CFAP251: variants seen among roughly 807,000 people sequenced by gnomAD.
The protein encoded by CFAP251 is cilia and flagella associated protein 251.
A neutral mutation model predicts 126.7 loss-of-function variants in CFAP251; 93 were observed. The observed-to-expected ratio is 0.73, with a 90% CI of 0.62 to 0.87. The LOEUF (loss-of-function observed/expected upper bound fraction) is 0.87. Among genes scored for constraint, CFAP251 ranks in the 40% least tolerant of loss-of-function variants. The pLI is 0.00. For missense variants in CFAP251, 1,287 were observed against 1,389.2 expected (o/e 0.93, Z 1.17); for synonymous variants, 503 against 506.9 (o/e 0.99, Z 0.10).
chr12:121,921,234 T>G (rs1880156824), intron 1 of CFAP251, 52 bp from the exon 2 acceptor site: 2 of 1,511,152 alleles, frequency 1.3e-6, no homozygotes, highest in East Asian at 4.6e-5. Flanking sequence ...CACTAGGAGA[T>G]GGAAATGGGA....
intron 15 of CFAP251, among the ~76,000 whole-genome samples, chr12:121,964,524 T>G (rs1473473633): frequency 6.6e-6 from 1 of 152,222 alleles, no homozygotes; most frequent in Non-Finnish European, 1.5e-5. Context: ...AGCTTCTGCC[T>G]GTTGATGATC....
intron 10 of CFAP251, 106 bp downstream of exon 10, chr12:121,954,440 T>C: frequency 1.9e-6 from 2 of 1,058,688 alleles, no homozygotes; most frequent in Non-Finnish European, 2.6e-6. Flanking sequence ...TTCAGTTCTT[T>C]GGGAGGCTGA....
chr12:121,968,012 C>G lies in CFAP251; in HGVS notation c.2614C>G (p.Leu872Val). 3 of 1,601,894 alleles carry G rather than the reference C, an allele frequency of 1.9e-6. No individual in the cohort carries two copies. The South Asian group carries it at 3.3e-5, about 18-fold the overall frequency. ...ATTATGTGTTCCTTTCTAGGTGGGA[C>G]TTCAGATCTTACCAGTTGACGGCAA... ...LVFINRDKVG[L>V]QILPVDGNPH... Residue 872 changes from leucine (L) to valine (V), a missense_variant, in exon 17 of 22, where the codon CTT becomes GTT. Physicochemically the swap from Leu to Val is conservative, Grantham distance 32 (BLOSUM62 1). Transcript: ENST00000288912.
At chr12:121,976,350 C>G (rs1220714948) in intron 19 of CFAP251, among the ~76,000 whole-genome samples, 1 of 152,042 alleles carries the variant, frequency 6.6e-6, no homozygotes, top group African/African-American at 2.4e-5. Flanking sequence ...CCTACGCAGC[C>G]CTGGGCACGG....
In CFAP251 at chr12:121,982,399, G is replaced by A. The variant is rs141221023; in HGVS notation, c.3006+6714G>A. The stretch of plus-strand genomic sequence containing the variant: ...ATTCTTGATTTTTTTTTTTTTTTGA[G>A]ACGGAGTTTCACTCTTGTTGCCCAG... On this transcript the variant is annotated intron_variant, in intron 19 of 21. Coordinates refer to ENST00000288912, the MANE Select transcript of CFAP251 (RefSeq NM_144668.6). Among the ~76,000 whole-genome samples, 754 of 147,066 alleles carry A rather than the reference G, an allele frequency of 5.1e-3. 22 individuals carry two copies. The highest frequency in any genetic ancestry group is 0.044 in the Admixed American group (658 of 14,824).
In CFAP251 at chr12:121,923,661, T is replaced by C. The variant is rs761745286; in HGVS notation, c.418T>C (p.Leu140=). The part of the protein sequence containing the change: ...RGSKSKLSLQ[L]EDAETDELLR... ...TAGCAAGTCAAAGCTTTCCTTACAATTGGAGGATGCAGAAACAGATGAGCT... is the reference window on the plus strand; with the variant it reads ...TAGCAAGTCAAAGCTTTCCTTACAACTGGAGGATGCAGAAACAGATGAGCT... The change falls in exon 3 of 22, where the codon TTG becomes CTG. Residue 140 remains leucine (L), a synonymous_variant. Transcript: ENST00000288912. The C allele has an allele frequency of 4.3e-6, 7 of 1,613,102 alleles. No individual in the cohort carries two copies. Among genetic ancestry groups the C allele is most frequent in the African/African-American group, 4.0e-5 (3 of 74,948 alleles).
At chr12:121,996,331 A>G (rs1883021063) in intron 19 of CFAP251, among the ~76,000 whole-genome samples, 1 of 152,212 alleles carries the variant, frequency 6.6e-6, no homozygotes, top group Admixed American at 6.5e-5. Context: ...GAAACATCCT[A>G]GGTTAAAATG....
At position 121,921,605 on chromosome 12, in the gene CFAP251, C is replaced by T. The variant is rs1210020096; in HGVS notation, c.300C>T (p.Pro100=). 1.9e-6 allele frequency: 3 copies of T among 1,613,890 alleles called. No homozygotes were observed. Among genetic ancestry groups the T allele is most frequent in the Admixed American group, 1.7e-5 (1 of 59,966 alleles). The part of the protein sequence containing the change: ...SGIQEETTVE[P]QEVTASMIRL... The stretch of plus-strand genomic sequence containing the variant: ...TACAGGAAGAAACCACAGTAGAGCC[C>T]CAAGAAGTCACAGCGTCCATGATCC... Residue 100 remains proline, a synonymous_variant, in exon 2 of 22, where the codon CCC becomes CCT. Coordinates refer to ENST00000288912, the MANE Select transcript of CFAP251 (RefSeq NM_144668.6).
In CFAP251 at chr12:121,975,336, T is replaced by C; in HGVS notation, c.2862+2T>C. 2 of 1,613,412 alleles carry C rather than the reference T, an allele frequency of 1.2e-6. No homozygotes were observed. The highest frequency in any genetic ancestry group is 1.7e-6 in the Non-Finnish European group (2 of 1,179,390). On this transcript the variant is annotated splice_donor_variant, in intron 18 of 21. Coordinates refer to ENST00000288912, the MANE Select transcript of CFAP251 (RefSeq NM_144668.6). LOFTEE classifies it high-confidence loss of function. The stretch of plus-strand genomic sequence containing the variant: ...GGCCGGGAAGGAAAATTCTACAGGG[T>C]AATTGTCCCTAGAGTAAACACCTCC...
intron 21 of CFAP251, 138 bp from the exon 22 acceptor site, chr12:122,003,514 A>T (rs1309132228): frequency 1.7e-6 from 1 of 592,716 alleles, no homozygotes; most frequent in Admixed American, 3.5e-5. Flanking sequence ...TCAAGGCTGC[A>T]GTGAGCTATG....
intron 5 of CFAP251, among the ~76,000 whole-genome samples, chr12:121,935,905 G>A (rs1274322636): frequency 6.6e-6 from 1 of 152,144 alleles, no homozygotes; most frequent in African/African-American, 2.4e-5. Flanking sequence ...TGGTATCAAG[G>A]TTGTCATCCG....
chr12:121,938,040 T>C (rs1247619305), intron 5 of CFAP251, among the ~76,000 whole-genome samples: 1 of 152,232 alleles, frequency 6.6e-6, no homozygotes, highest in East Asian at 1.9e-4. Flanking sequence ...GGTCTCACTC[T>C]ATCACCCAGG....
At chr12:121,965,057 G>C (rs1009653915) in intron 15 of CFAP251, among the ~76,000 whole-genome samples, 1 of 152,162 alleles carries the variant, frequency 6.6e-6, no homozygotes, top group Non-Finnish European at 1.5e-5. Context: ...GTAGGAATAA[G>C]AAAGCCTCAT....
chr12:121,978,778 T>C (rs1882545298), intron 19 of CFAP251, among the ~76,000 whole-genome samples: 1 of 152,182 alleles, frequency 6.6e-6, no homozygotes, highest in Non-Finnish European at 1.5e-5. Flanking sequence ...CACTCTCCAG[T>C]TGATAGCCGT....
At chr12:121,971,484 C>T in intron 17 of CFAP251, 1 of 700,504 alleles carries the variant, frequency 1.4e-6, no homozygotes, top group South Asian at 1.5e-5. Context: ...ATCCCAACCA[C>T]TTGTGCTGAG....
chr12:121,932,003 C>G (rs1003680898), intron 4 of CFAP251, 117 bp downstream of exon 4: 6 of 1,066,774 alleles, frequency 5.6e-6, no homozygotes, highest in Non-Finnish European at 7.5e-6. Flanking sequence ...TCCCACTCTC[C>G]TTGGAACTAA....
At position 121,958,399 on chromosome 12, in the gene CFAP251, C is replaced by T. The variant is rs1881804211; in HGVS notation, c.1858C>T (p.Leu620Phe). ...CATCTCCTGCCACCCATATCAACCC[C>T]TCATTGCCATCGGGAGCATCTGTGG... ...CAISCHPYQP[L>F]IAIGSICGMI... Residue 620 changes from leucine (L) to phenylalanine (F), a missense_variant, in exon 12 of 22, where the codon CTC (leucine) becomes TTC (phenylalanine). Leu to Phe is a conservative substitution (Grantham distance 22). Coordinates refer to ENST00000288912, the MANE Select transcript of CFAP251 (RefSeq NM_144668.6). 1.2e-6 allele frequency: 2 copies of T among 1,614,252 alleles called. No individual in the cohort carries two copies. Among genetic ancestry groups the T allele is most frequent in the Admixed American group, 1.7e-5 (1 of 60,030 alleles).
At chr12:121,955,051 C>T (rs1881680530) in intron 10 of CFAP251, among the ~76,000 whole-genome samples, 1 of 152,074 alleles carries the variant, frequency 6.6e-6, no homozygotes, top group Admixed American at 6.6e-5. Flanking sequence ...GCCTGTAATC[C>T]CAGCATTTTG....
chr12:121,964,089 G>A (rs1025937808), intron 15 of CFAP251, among the ~76,000 whole-genome samples: 3 of 152,146 alleles, frequency 2.0e-5, no homozygotes, highest in African/African-American at 7.2e-5. Flanking sequence ...GACTATCATG[G>A]TTTTGAAATG....
Sources: allele counts gnomAD v4.1 joint callset (sites outside exome capture counted in the v4.1 genomes callset), GRCh38; gene constraint gnomAD v4.1.1; transcripts MANE v1.5; gene names NCBI Gene and HGNC (gene_info 2026-07-23, HGNC 2026-07-21).